The following DOCK6 variants were observed in gnomAD, a reference collection of about 807,000 sequenced individuals.
The protein encoded by DOCK6 is dedicator of cytokinesis protein 6.
Under a neutral mutation model 230.3 loss-of-function variants are expected in DOCK6, and 167 were observed. The observed-to-expected ratio is 0.73, with a 90% CI of 0.64 to 0.82. The LOEUF is 0.82. Among genes scored for constraint, DOCK6 ranks in the 40% least tolerant of loss-of-function variants. DOCK6 has a pLI of 0.00. For missense variants in DOCK6, 2,598 were observed against 2,825.8 expected, an observed-to-expected ratio of 0.92 and a Z score of 1.83; for synonymous variants, 1,148 against 1,185.0, an observed-to-expected ratio of 0.97 and a Z score of 0.64.
In DOCK6 at chr19:11,199,568, T is replaced by C. The variant is rs139686307; in HGVS notation, c.6102-29A>G. 1.0e-4 allele frequency: 162 copies of C among 1,564,688 alleles called. No individual in the cohort carries two copies. The African/African-American group carries it at 2.0e-3, about 19-fold the overall frequency. On this transcript the variant is annotated intron_variant, in intron 47 of 47. Coordinates refer to ENST00000294618, the MANE Select transcript of DOCK6 (RefSeq NM_020812.4). The stretch of plus-strand genomic sequence containing the variant: ...GAAAAAGAATGAGGGTGGGTCAGCA[T>C]GGCCATGGGGCCCCCAACTCCATAG...
chr19:11,224,646 C>A (rs1249727469), intron 24 of DOCK6, among the ~76,000 whole-genome samples: 1 of 152,118 alleles, frequency 6.6e-6, no homozygotes, highest in Non-Finnish European at 1.5e-5. Flanking sequence ...GCAGGATGTG[C>A]CTAGCAAGTC....
chr19:11,227,536 A>AGGGCTGTGGGTGGGGATTGAT, intron 23 of DOCK6, 59 bp from the exon 24 acceptor site: 1 of 1,362,870 alleles, frequency 7.3e-7, no homozygotes, highest in Non-Finnish European at 9.7e-7. Flanking sequence ...TAGGACTTGA[A>AGGGCTGTGGGTGGGGATTGAT]GGGCTGTGGG....
In DOCK6 at chr19:11,236,886, G is replaced by A; in HGVS notation, c.2074-7C>T. 6.4e-7 allele frequency: 1 copy of A among 1,551,098 alleles called. No homozygotes were observed. Among genetic ancestry groups the A allele is most frequent in the Non-Finnish European group, 8.7e-7 (1 of 1,147,378 alleles). On this transcript the variant is annotated splice_region_variant and splice_polypyrimidine_tract_variant and intron_variant, in intron 18 of 47. Coordinates refer to ENST00000294618, the MANE Select transcript of DOCK6 (RefSeq NM_020812.4). The surrounding 1 kb of genome is among the most constrained non-coding windows in gnomAD (Gnocchi z 5.2). The stretch of plus-strand genomic sequence containing the variant: ...GCATGCCCGGAAGCGCCACCTGTGG[G>A]AGGGAGGCACCAGGTGGGCACTGGT...
chr19:11,252,665 AG>A, intron 3 of DOCK6, 115 bp from the exon 4 acceptor site: 1 of 1,597,838 alleles, frequency 6.3e-7, no homozygotes, highest in Non-Finnish European at 8.6e-7. Context: ...GGAGGCTCAG[AG>A]AAAAAGCATG....
At position 11,209,076 on chromosome 19, in the gene DOCK6, C is replaced by T. The variant is rs1170044309; in HGVS notation, c.4779G>A (p.Pro1593=). The T allele has an allele frequency of 8.1e-6, 13 of 1,612,208 alleles. No individual in the cohort carries two copies. The highest frequency in any genetic ancestry group is 1.1e-5 in the Non-Finnish European group (13 of 1,179,432). Residue 1593 remains proline (P), a synonymous_variant, in exon 38 of 48, where the codon CCG becomes CCA. Transcript: ENST00000294618. ...YRIARGYQGS[P]DLRLTWLQNM... is the part of the protein sequence containing the mutation. ...TCTGCAACCAGGTCAGCCGAAGGTC[C>T]GGTGAGCCCTGGTAGCCCCGGGCAA...
At chr19:11,226,588 G>A (rs952239353) in intron 24 of DOCK6, among the ~76,000 whole-genome samples, 5 of 152,128 alleles carry the variant, frequency 3.3e-5, no homozygotes, top group Admixed American at 6.5e-5. Context: ...AACCTGGGAG[G>A]CGGAGGTTGT....
chr19:11,201,008 C>G lies in DOCK6; in HGVS notation c.5733G>C (p.Lys1911Asn). The G allele has an allele frequency of 1.2e-6, 2 of 1,613,978 alleles. No individual in the cohort carries two copies. Among genetic ancestry groups the G allele is most frequent in the East Asian group, 2.2e-5 (1 of 44,884 alleles). ...PVEVAIEDMQ[K>N]KTRELAFATE... ...TGGCAAAGGCCAGCTCCCGTGTCTT[C>G]TTCTGCATGTCCTCGATGGCCACCT... Residue 1911 changes from lysine (K) to asparagine (N), a missense_variant, in exon 45 of 48, where the codon AAG becomes AAC. Lys to Asn is a moderately conservative substitution (Grantham distance 94). Transcript: ENST00000294618. The surrounding 1 kb of genome is among the most constrained non-coding windows in gnomAD (Gnocchi z 4.3).
chr19:11,200,876 G>T lies in DOCK6; in HGVS notation c.5832+33C>A, dbSNP rs372625913. On this transcript the variant is annotated intron_variant, in intron 45 of 47. Coordinates refer to ENST00000294618, the MANE Select transcript of DOCK6 (RefSeq NM_020812.4). The surrounding 1 kb of genome is among the most constrained non-coding windows in gnomAD (Gnocchi z 4.3). ...GCCTGCATGGCACCTGGAGTCCCCCGTGCGGCTTGCATCCCCCTTCCACCA... is the reference window on the plus strand; with the variant it reads ...GCCTGCATGGCACCTGGAGTCCCCCTTGCGGCTTGCATCCCCCTTCCACCA... 4 of 1,613,672 alleles carry T rather than the reference G, an allele frequency of 2.5e-6. No individual in the cohort carries two copies. Among genetic ancestry groups the T allele is most frequent in the East Asian group, 2.2e-5 (1 of 44,874 alleles).
chr19:11,233,479 T>C (rs1599251082), intron 21 of DOCK6, 113 bp from the exon 22 acceptor site: 1 of 1,326,898 alleles, frequency 7.5e-7, no homozygotes, highest in Middle Eastern at 1.9e-4. Context: ...AGCCTCTAAG[T>C]TCCTCATCTA....
intron 6 of DOCK6, 55 bp downstream of exon 6, chr19:11,250,819 T>C: frequency 6.5e-7 from 1 of 1,542,752 alleles, no homozygotes; most frequent in South Asian, 1.2e-5. Context: ...ACATGAAGTA[T>C]ACAATAGGCA....
At chr19:11,228,784 G>T in intron 23 of DOCK6, 156 bp downstream of exon 23, 1 of 604,722 alleles carries the variant, frequency 1.7e-6, no homozygotes, top group South Asian at 2.0e-5. Context: ...GGATGGTCTC[G>T]ATCTCCTGAC....
intron 37 of DOCK6, among the ~76,000 whole-genome samples, chr19:11,210,158 TCACCTGCCCACCCTC>T (rs2079352149): frequency 7.0e-6 from 1 of 141,946 alleles, no homozygotes; most frequent in African/African-American, 2.6e-5. Context: ...TGTCCACCCC[TCACCTGCCCACCCTC>T]TCACCTGTCC....
At chr19:11,255,534 G>A (rs185078046) in intron 1 of DOCK6, among the ~76,000 whole-genome samples, 59 of 152,202 alleles carry the variant, frequency 3.9e-4, no homozygotes, top group African/African-American at 1.3e-3. Context: ...GGCTGGTCTC[G>A]AACTCCTGAG....
rs1600839952 is a variant in DOCK6, at chr19:11,201,604, C to T, written c.5688+285G>A. On this transcript the variant is annotated intron_variant, in intron 44 of 47. Transcript: ENST00000294618. The surrounding 1 kb of genome is among the most constrained non-coding windows in gnomAD (Gnocchi z 4.3). ...CTGGGCCACACCTCTCCTCCCTGGG[C>T]CTTCCTAGATCTGGGCTCCCTCTGC... is the stretch of plus-strand genomic sequence containing the variant. Among the ~76,000 whole-genome samples, 1 of 151,840 alleles carries T rather than the reference C, an allele frequency of 6.6e-6. No individual in the cohort carries two copies. Among genetic ancestry groups the T allele is most frequent in the East Asian group, 1.9e-4 (1 of 5,178 alleles).
At chr19:11,219,983 T>C (rs2079555721) in intron 28 of DOCK6, among the ~76,000 whole-genome samples, 1 of 151,894 alleles carries the variant, frequency 6.6e-6, no homozygotes. Flanking sequence ...GACAGAGTTT[T>C]GCTCTTGTTG....
chr19:11,233,146 C>T (rs996496324), intron 22 of DOCK6, 57 bp downstream of exon 22: 1 of 1,584,546 alleles, frequency 6.3e-7, no homozygotes. Context: ...TCTTCGCCCA[C>T]ACACGTGGCA....
In DOCK6 at chr19:11,227,360, C is replaced by T; in HGVS notation, c.2932G>A (p.Glu978Lys). The T allele has an allele frequency of 6.2e-7, 1 of 1,613,906 alleles. No homozygotes were observed. The highest frequency in any genetic ancestry group is 8.5e-7 in the Non-Finnish European group (1 of 1,179,886). ...ITALVGSVGL[E>K]VITRVHKDVE... The stretch of plus-strand genomic sequence containing the variant: ...ACCTTGTGGACACGGGTGATGACCT[C>T]CAGGCCCACAGAGCCCACCAAGGCA... The change falls in exon 24 of 48, where the codon GAG (glutamate) becomes AAG (lysine). Residue 978 changes from glutamate (E) to lysine (K), a missense_variant. Coordinates refer to ENST00000294618, the MANE Select transcript of DOCK6 (RefSeq NM_020812.4).
In DOCK6 at chr19:11,201,366, G is replaced by A. The variant is rs374616265; in HGVS notation, c.5689-314C>T. Among the ~76,000 whole-genome samples, 24 of 152,222 alleles carry A rather than the reference G, an allele frequency of 1.6e-4. No homozygotes were observed. The East Asian group carries it at 2.7e-3, about 17-fold the overall frequency. ...TCTGGGGTACATGAGCCAATTTCTG[G>A]GTCTAGCGTGTCCACGCCTCTCCTC... On this transcript the variant is annotated intron_variant, in intron 44 of 47. Coordinates refer to ENST00000294618, the MANE Select transcript of DOCK6 (RefSeq NM_020812.4). This position sits in a 1 kb window ranked among gnomAD's most constrained non-coding sequence, Gnocchi z 4.3.
chr19:11,229,134 G>C, intron 22 of DOCK6, 99 bp from the exon 23 acceptor site: 1 of 1,330,114 alleles, frequency 7.5e-7, no homozygotes, highest in Non-Finnish European at 1.0e-6. Context: ...AGGGCTCGGG[G>C]TTAGTGCAGC....
Sources: gnomAD v4.1 joint callset for allele counts (sites outside exome capture counted in the v4.1 genomes callset) on GRCh38, gnomAD v4.1.1 for gene constraint, Gnocchi (gnomAD v3.1) non-coding constraint, MANE v1.5 for transcripts, NCBI Gene and HGNC (gene_info 2026-07-23, HGNC 2026-07-21) for gene names.